The following JAKMIP1 variants were observed in gnomAD, a reference collection of about 807,000 sequenced individuals.
JAKMIP1 encodes janus kinase and microtubule-interacting protein 1.
A neutral mutation model predicts 113.0 loss-of-function variants in JAKMIP1; 33 were observed. The observed-to-expected ratio is 0.29, with a 90% CI of 0.22 to 0.39. JAKMIP1 has a LOEUF of 0.39. Ranked by LOEUF, JAKMIP1 falls within the 10% of genes least tolerant of loss-of-function variation. JAKMIP1 has a pLI of 1.00. For synonymous variants in JAKMIP1, 480 were observed against 459.9 expected (o/e 1.04, Z -0.56); for missense variants, 813 against 1,080.5 (o/e 0.75, Z 3.47).
rs1464214132 is a variant in JAKMIP1, at chr4:6,193,978, A to G, written c.-148+6275T>C. Among the ~76,000 whole-genome samples, 1 of 152,174 alleles carries G rather than the reference A, an allele frequency of 6.6e-6. No individual in the cohort carries two copies. The highest frequency in any genetic ancestry group is 1.9e-4 in the East Asian group (1 of 5,200). On this transcript the variant is annotated intron_variant, in intron 1 of 20. Transcript: ENST00000409021. The surrounding 1 kb of genome is among the most constrained non-coding windows in gnomAD (Gnocchi z 6.4). ...CTCCGCCATGAAGAAGAAGGAAGCA[A>G]TGACACTTGATGACACTTGCTATAA...
In JAKMIP1 at chr4:6,072,633, T is replaced by C. The variant is rs573778557; in HGVS notation, c.1302+6306A>G. On this transcript the variant is annotated intron_variant, in intron 8 of 20. Transcript: ENST00000409021. ...AGTCACTACTATTAGCCTCTCTGAGTGCAGGGCACTGTGCCAGCAGCTTCG... is the reference window on the plus strand; with the variant it reads ...AGTCACTACTATTAGCCTCTCTGAGCGCAGGGCACTGTGCCAGCAGCTTCG... Among the ~76,000 whole-genome samples the C allele has an allele frequency of 6.6e-5, 10 of 152,248 alleles. No homozygotes were observed. In the South Asian group the frequency reaches 1.7e-3, roughly 25 times the overall value.
At chr4:6,149,697 G>C (rs1264201050) in intron 1 of JAKMIP1, among the ~76,000 whole-genome samples, 1 of 152,060 alleles carries the variant, frequency 6.6e-6, no homozygotes. Flanking sequence ...TCCCTGCAGG[G>C]TTTTTTTCTT....
rs945594713 is a variant in JAKMIP1 at position 6,093,940 on chromosome 4, C to A, written c.625-8311G>T. Among the ~76,000 whole-genome samples, 3 of 152,062 alleles carry A rather than the reference C, an allele frequency of 2.0e-5. No homozygotes were observed. The highest frequency in any genetic ancestry group is 2.9e-5 in the Non-Finnish European group (2 of 68,020). On this transcript the variant is annotated intron_variant, in intron 3 of 20. Transcript: ENST00000409021. The surrounding 1 kb of genome is among the most constrained non-coding windows in gnomAD (Gnocchi z 4.6). ...GCTGCAAGTTCCCTCTTTTCTGCCA[C>A]CCTGGCTCGGCTGGGCAGTCCCCAG...
intron 18 of JAKMIP1, among the ~76,000 whole-genome samples, chr4:6,036,401 G>A (rs1713444587): frequency 6.6e-6 from 1 of 152,218 alleles, no homozygotes; most frequent in Non-Finnish European, 1.5e-5. Flanking sequence ...TAAGATGCAT[G>A]ACTCAAACAG....
chr4:6,171,793 C>T lies in JAKMIP1; in HGVS notation c.-148+28460G>A, dbSNP rs138571536. Among the ~76,000 whole-genome samples, 174 of 152,308 alleles carry T rather than the reference C, an allele frequency of 1.1e-3. 2 individuals are homozygous for T. The highest frequency in any genetic ancestry group is 3.9e-3 in the African/African-American group (162 of 41,556). ...CCCTGCCTGGCACGGAATCGAGGCT[C>T]GTTCGTTGGCTGAATGTGTTGACAA... On this transcript the variant is annotated intron_variant, in intron 1 of 20. Coordinates refer to ENST00000409021, the MANE Select transcript of JAKMIP1 (RefSeq NM_001099433.2).
chr4:6,093,949 G>A lies in JAKMIP1; in HGVS notation c.625-8320C>T, dbSNP rs370448429. Among the ~76,000 whole-genome samples, 159 of 152,004 alleles carry A rather than the reference G, an allele frequency of 1.0e-3. No homozygotes were observed. The highest frequency in any genetic ancestry group is 3.6e-3 in the African/African-American group (148 of 41,464). ...TCCCTCTTTTCTGCCACCCTGGCTC[G>A]GCTGGGCAGTCCCCAGATGTCCTGC... On this transcript the variant is annotated intron_variant, in intron 3 of 20. Coordinates refer to ENST00000409021, the MANE Select transcript of JAKMIP1 (RefSeq NM_001099433.2). This position sits in a 1 kb window ranked among gnomAD's most constrained non-coding sequence, Gnocchi z 4.6.
chr4:6,072,260 C>T (rs1719070743), intron 8 of JAKMIP1, among the ~76,000 whole-genome samples: 1 of 152,214 alleles, frequency 6.6e-6, no homozygotes, highest in Non-Finnish European at 1.5e-5. Flanking sequence ...TTGAACCCCT[C>T]AAAATCATCT....
At chr4:6,147,315 G>A (rs536145408) in intron 1 of JAKMIP1, among the ~76,000 whole-genome samples, 2 of 152,126 alleles carry the variant, frequency 1.3e-5, no homozygotes, top group African/African-American at 4.8e-5. Context: ...GGTTTGGTTC[G>A]GTTTTTTATT....
At chr4:6,124,245 C>T (rs1717107540) in intron 1 of JAKMIP1, among the ~76,000 whole-genome samples, 3 of 152,240 alleles carry the variant, frequency 2.0e-5, no homozygotes, top group Admixed American at 2.0e-4. Flanking sequence ...CCACCTGTGG[C>T]CAGGGCTCCC....
chr4:6,170,032 TCACCAC>T (rs1177725000), intron 1 of JAKMIP1, among the ~76,000 whole-genome samples: 4 of 75,738 alleles, frequency 5.3e-5, no homozygotes, highest in Non-Finnish European at 7.6e-5. Flanking sequence ...CACATTCCCA[TCACCAC>T]CACCACCACC....
In JAKMIP1 at chr4:6,064,039, C is replaced by T. The variant is rs900686139; in HGVS notation, c.1431+841G>A. ...CACCCCCTTCCCACTCTTGCTCTTC[C>T]CTGGGCTCAGAAAAAGCCACCAGGG... On this transcript the variant is annotated intron_variant, in intron 9 of 20. Transcript: ENST00000409021. The surrounding 1 kb of genome is among the most constrained non-coding windows in gnomAD (Gnocchi z 4.3). Among the ~76,000 whole-genome samples, 5 of 152,232 alleles carry T rather than the reference C, an allele frequency of 3.3e-5. No individual in the cohort carries two copies. Among genetic ancestry groups the T allele is most frequent in the African/African-American group, 1.2e-4 (5 of 41,462 alleles).
chr4:6,102,722 CTTTTTTTTTTTTTTTTTTT>C (rs1191358910), intron 3 of JAKMIP1, among the ~76,000 whole-genome samples: 4 of 50,822 alleles, frequency 7.9e-5, no homozygotes, highest in Non-Finnish European at 9.7e-5. Context: ...TCTCTAAAGA[CTTTTTTTTTTTTTTTTTTT>C]TTTTTTTTTT....
intron 1 of JAKMIP1, among the ~76,000 whole-genome samples, chr4:6,119,724 G>A (rs1276272613): frequency 6.6e-6 from 1 of 152,210 alleles, no homozygotes; most frequent in Non-Finnish European, 1.5e-5. Context: ...CGGCTGAACA[G>A]GGCTGCTCAC....
At chr4:6,177,145 G>A (rs1725433794) in intron 1 of JAKMIP1, among the ~76,000 whole-genome samples, 6 of 152,194 alleles carry the variant, frequency 3.9e-5, no homozygotes, top group South Asian at 2.1e-4. Context: ...AGGGAGCTTC[G>A]GGTAGGAGGG....
At chr4:6,041,269 G>C (rs1276773443) in intron 17 of JAKMIP1, among the ~76,000 whole-genome samples, 4 of 152,172 alleles carry the variant, frequency 2.6e-5, no homozygotes, top group Non-Finnish European at 5.9e-5. Context: ...TTCATCTCCT[G>C]TAGCCACTTC....
At chr4:6,191,913 T>TTTTATTTATTTATTTA (rs55740817) in intron 1 of JAKMIP1, among the ~76,000 whole-genome samples, 20,469 of 140,936 alleles carry the variant, frequency 0.15, 1,759 homozygotes, top group East Asian at 0.21. Context: ...CAGGAGTGCA[T>TTTTATTTATTTATTTA]TTTATTTATT....
rs1164505984 is a variant in JAKMIP1, at chr4:6,139,081, CACAT to C, written c.-147-26088_-147-26085del. 0.023 allele frequency among the ~76,000 whole-genome samples: 864 copies of C among 37,464 alleles called. 4 individuals are homozygous for C. The highest frequency in any genetic ancestry group is 0.035 in the African/African-American group (620 of 17,894). The allele number at this position is 37,464 out of a possible 152,430, so 24.6% of individuals were successfully genotyped here. On this transcript the variant is annotated intron_variant, in intron 1 of 20. Transcript: ENST00000409021. The surrounding 1 kb of genome is among the most constrained non-coding windows in gnomAD (Gnocchi z 5.2). The stretch of plus-strand genomic sequence containing the variant: ...ACACACACACACACACACACACACA[CACAT>C]ATACACACACACACACACACCAGCA...
rs894297774 is a variant in JAKMIP1, at chr4:6,153,996, T to A, written c.-147-40999A>T. On this transcript the variant is annotated intron_variant, in intron 1 of 20. Coordinates refer to ENST00000409021, the MANE Select transcript of JAKMIP1 (RefSeq NM_001099433.2). This position sits in a 1 kb window ranked among gnomAD's most constrained non-coding sequence, Gnocchi z 4.9. ...TCACAGAGTCTGCCCAGGTCTTGTA[T>A]GCGGCAGATGTTTACTAAATACTGG... 6.6e-6 allele frequency among the ~76,000 whole-genome samples: 1 copy of A among 152,176 alleles called. No individual in the cohort carries two copies. The highest frequency in any genetic ancestry group is 2.4e-5 in the African/African-American group (1 of 41,446).
intron 1 of JAKMIP1, among the ~76,000 whole-genome samples, chr4:6,198,685 T>C (rs1293569305): frequency 6.6e-6 from 1 of 152,220 alleles, no homozygotes; most frequent in African/African-American, 2.4e-5. Context: ...CACTGTGCGC[T>C]ACAACATCAG....
Sources: allele counts gnomAD v4.1 joint callset (sites outside exome capture counted in the v4.1 genomes callset), GRCh38; gene constraint gnomAD v4.1.1; non-coding constraint Gnocchi (gnomAD v3.1); transcripts MANE v1.5; gene names NCBI Gene and HGNC (gene_info 2026-07-23, HGNC 2026-07-21).